NEMP2: variants seen among roughly 807,000 people sequenced by gnomAD.
NEMP2 encodes the protein nuclear envelope integral membrane protein 2.
NEMP2 carries 53 observed loss-of-function variants against 54.2 expected under a neutral mutation model. The observed-to-expected ratio is 0.98, with a 90% confidence interval of 0.78 to 1.23. NEMP2 has a LOEUF of 1.23. Among genes scored for constraint, NEMP2 ranks in the 50% most tolerant of loss-of-function variants. The probability of loss-of-function intolerance (pLI) is 0.00; values close to 1 mark genes in which losing one functional copy is unlikely to be tolerated. For missense variants in NEMP2, 455 were observed against 511.3 expected (o/e 0.89, Z 1.06); for synonymous variants, 197 against 190.3 (o/e 1.04, Z -0.29).
the NEMP2 span, among the ~76,000 whole-genome samples, chr2:190,482,181 T>A: frequency 6.6e-6 from 1 of 152,218 alleles, no homozygotes; most frequent in African/African-American, 2.4e-5. Flanking sequence ...AGATTCTCTG[T>A]AACCTGGATC....
intron 7 of NEMP2, among the ~76,000 whole-genome samples, chr2:190,511,700 G>A (rs1690372133): frequency 6.6e-6 from 1 of 150,532 alleles, no homozygotes; most frequent in Admixed American, 6.6e-5. Context: ...GATTACAGAC[G>A]CACGCCACCA....
the NEMP2 span, among the ~76,000 whole-genome samples, chr2:190,595,132 G>A: frequency 6.6e-6 from 1 of 152,144 alleles, no homozygotes; most frequent in Non-Finnish European, 1.5e-5. The surrounding 1 kb of genome is among the most constrained non-coding windows in gnomAD (Gnocchi z 4.0). Context: ...TGACAAGCCT[G>A]ACAAAAACAA....
Position 190,522,423 on chromosome 2 carries a change from A to C in NEMP2, c.213+2840T>G, listed in dbSNP as rs1690783945. ...AAAAAAACAAAATCTCACTTAAAAA[A>C]CCCACTATGATCTTTTCTGAGAATA... On this transcript the variant is annotated intron_variant, in intron 2 of 8. Transcript: ENST00000409150. The surrounding 1 kb of genome is among the most constrained non-coding windows in gnomAD (Gnocchi z 5.0). Among the ~76,000 whole-genome samples the C allele has an allele frequency of 1.3e-5, 2 of 152,278 alleles. No homozygotes were observed. Among genetic ancestry groups the C allele is most frequent in the East Asian group, 3.9e-4 (2 of 5,186 alleles).
the NEMP2 span, among the ~76,000 whole-genome samples, chr2:190,586,571 A>G: frequency 6.6e-6 from 1 of 152,050 alleles, no homozygotes. This position sits in a 1 kb window ranked among gnomAD's most constrained non-coding sequence, Gnocchi z 4.5. Context: ...CTAAAACAAA[A>G]CTTTCAGTTT....
the NEMP2 span, among the ~76,000 whole-genome samples, chr2:190,440,279 C>A: frequency 5.3e-5 from 8 of 152,280 alleles, no homozygotes; most frequent in East Asian, 1.2e-3. Flanking sequence ...CAATATACAA[C>A]CAGTTTCTCA....
At chr2:190,551,126 C>T in the NEMP2 span, among the ~76,000 whole-genome samples, 1 of 146,598 alleles carries the variant, frequency 6.8e-6, no homozygotes, top group Non-Finnish European at 1.5e-5. Flanking sequence ...ACTAGAAATA[C>T]ATCTTGGTGT....
In NEMP2 at chr2:190,531,948, C is replaced by T. The variant is rs1691158653; in HGVS notation, c.97+2611G>A. Among the ~76,000 whole-genome samples the T allele has an allele frequency of 6.6e-6, 1 of 151,680 alleles. No individual in the cohort carries two copies. Among genetic ancestry groups the T allele is most frequent in the South Asian group, 2.1e-4 (1 of 4,806 alleles). ...ACACAAAAATATCTCACCAATGTTCCTCCTGAAAACTGACATGGCCCTCAT... is the reference window on the plus strand; with the variant it reads ...ACACAAAAATATCTCACCAATGTTCTTCCTGAAAACTGACATGGCCCTCAT... On this transcript the variant is annotated intron_variant, in intron 1 of 8. Coordinates refer to ENST00000409150, the MANE Select transcript of NEMP2 (RefSeq NM_001142645.2). The surrounding 1 kb of genome is among the most constrained non-coding windows in gnomAD (Gnocchi z 4.7).
chr2:190,448,331 T>TA, the NEMP2 span, among the ~76,000 whole-genome samples: 1 of 152,232 alleles, frequency 6.6e-6, no homozygotes, highest in South Asian at 2.1e-4. Context: ...GAGAAACTCA[T>TA]ACACATGCAG....
intron 4 of NEMP2, among the ~76,000 whole-genome samples, 181 bp downstream of exon 4, chr2:190,518,555 G>A (rs961210095): frequency 3.3e-5 from 5 of 152,110 alleles, no homozygotes; most frequent in Non-Finnish European, 1.5e-5. Flanking sequence ...CATATCACAC[G>A]ATAAAAATAA....
At chr2:190,427,528 T>G in the NEMP2 span, among the ~76,000 whole-genome samples, 1 of 152,214 alleles carries the variant, frequency 6.6e-6, no homozygotes, top group Non-Finnish European at 1.5e-5. Flanking sequence ...CCATCAGTAT[T>G]TCTTGGTTCT....
the NEMP2 span, among the ~76,000 whole-genome samples, chr2:190,439,643 T>G: frequency 6.6e-5 from 10 of 152,344 alleles, no homozygotes; most frequent in East Asian, 1.9e-3. This position sits in a 1 kb window ranked among gnomAD's most constrained non-coding sequence, Gnocchi z 5.8. Flanking sequence ...CAAAATTCAC[T>G]TAACCTTAAT....
chr2:190,627,600 A>AC, the NEMP2 span, among the ~76,000 whole-genome samples: 2 of 151,964 alleles, frequency 1.3e-5, no homozygotes, highest in East Asian at 3.9e-4. The surrounding 1 kb of genome is among the most constrained non-coding windows in gnomAD (Gnocchi z 4.4). Context: ...AGGGAAAAAA[A>AC]AAAAAAACCT....
At chr2:190,432,345 C>A in the NEMP2 span, among the ~76,000 whole-genome samples, 1 of 152,192 alleles carries the variant, frequency 6.6e-6, no homozygotes, top group Non-Finnish European at 1.5e-5. Flanking sequence ...TCACTTGATG[C>A]CCTGCTTTCA....
Position 190,509,446 on chromosome 2 carries a change from G to GT in NEMP2, c.1131-135dup. The GT allele has an allele frequency of 1.0e-6, 1 of 982,686 alleles. No individual in the cohort carries two copies. Among genetic ancestry groups the GT allele is most frequent in the Non-Finnish European group, 1.5e-6 (1 of 663,886 alleles). The allele number at this position is 982,686 out of a possible 1,614,324, so 60.9% of individuals were successfully genotyped here. A position where few individuals can be genotyped will look rare whatever the true frequency, so the allele number is the denominator to read the frequency against. Reference sequence around the variant, plus strand: ...ATCAATACAGGGTGGCATTTACACAGTGGGTGTAAAAATGGGAATGGCTTA... The same window carrying GT: ...ATCAATACAGGGTGGCATTTACACAGTTGGGTGTAAAAATGGGAATGGCTTA... On this transcript the variant is annotated intron_variant, in intron 8 of 8. Transcript: ENST00000409150. This position sits in a 1 kb window ranked among gnomAD's most constrained non-coding sequence, Gnocchi z 6.1.
At chr2:190,541,714 C>T in the NEMP2 span, among the ~76,000 whole-genome samples, 23 of 152,260 alleles carry the variant, frequency 1.5e-4, 1 homozygote, top group South Asian at 1.5e-3. This position sits in a 1 kb window ranked among gnomAD's most constrained non-coding sequence, Gnocchi z 5.2. Flanking sequence ...CTATTTGCAA[C>T]TTAGTGTTTT....
At chr2:190,585,693 C>T in the NEMP2 span, among the ~76,000 whole-genome samples, 1 of 152,176 alleles carries the variant, frequency 6.6e-6, no homozygotes, top group Non-Finnish European at 1.5e-5. The surrounding 1 kb of genome is among the most constrained non-coding windows in gnomAD (Gnocchi z 5.3). Context: ...TATCATCTCC[C>T]TAAAGGATCA....
chr2:190,466,077 T>C, the NEMP2 span, among the ~76,000 whole-genome samples: 1 of 152,218 alleles, frequency 6.6e-6, no homozygotes, highest in South Asian at 2.1e-4. Context: ...GCTTAGGTTT[T>C]CTTCCAGAGT....
At position 190,516,447 on chromosome 2, in the gene NEMP2, C is replaced by G. The variant is rs1690560514; in HGVS notation, c.613-63G>C. Reference sequence around the variant, plus strand: ...TCATTCACTCTCATAAAAATAAAAGCAAACAAATAAACCTTTTGTATTAGA... The same window carrying G: ...TCATTCACTCTCATAAAAATAAAAGGAAACAAATAAACCTTTTGTATTAGA... On this transcript the variant is annotated intron_variant, in intron 5 of 8. Transcript: ENST00000409150. 1.6e-5 allele frequency: 20 copies of G among 1,242,856 alleles called. No individual in the cohort carries two copies. In the South Asian group the frequency reaches 2.6e-4, roughly 16 times the overall value. The allele number at this position is 1,242,856 out of a possible 1,614,324, so 77.0% of individuals were successfully genotyped here.
the NEMP2 span, among the ~76,000 whole-genome samples, chr2:190,442,113 ATTC>A: frequency 6.6e-6 from 1 of 152,248 alleles, no homozygotes; most frequent in African/African-American, 2.4e-5. Flanking sequence ...GGGAGGATTA[ATTC>A]TTCTTTAAAA....
Sources: allele counts gnomAD v4.1 joint callset (sites outside exome capture counted in the v4.1 genomes callset), GRCh38; gene constraint gnomAD v4.1.1; non-coding constraint Gnocchi (gnomAD v3.1); transcripts MANE v1.5; gene names NCBI Gene and HGNC (gene_info 2026-07-23, HGNC 2026-07-21).